The following RASGRP3 variants were observed in gnomAD, a reference collection of about 807,000 sequenced individuals.
RASGRP3 encodes ras guanyl-releasing protein 3.
Under a neutral mutation model 82.7 loss-of-function variants are expected in RASGRP3, and 54 were observed. The ratio of observed to expected loss-of-function variants is 0.65; its 90% CI spans 0.52 to 0.82. The LOEUF (loss-of-function observed/expected upper bound fraction) is 0.82. RASGRP3 is among the 40% of genes least tolerant of loss of function. The probability of loss-of-function intolerance (pLI) is 0.00; values close to 1 mark genes in which losing one functional copy is unlikely to be tolerated. For synonymous variants in RASGRP3, 309 were observed against 300.5 expected (o/e 1.03, Z -0.29); for missense variants, 861 against 828.9 (o/e 1.04, Z -0.48).
At chr2:33,460,410 C>T (rs1203859384) in intron 2 of RASGRP3, among the ~76,000 whole-genome samples, 1 of 151,954 alleles carries the variant, frequency 6.6e-6, no homozygotes, top group Non-Finnish European at 1.5e-5. Flanking sequence ...TGTGTTATCT[C>T]AGTGAAATGA....
chr2:33,480,319 A>G (rs1299147697), intron 1 of RASGRP3, among the ~76,000 whole-genome samples: 2 of 152,182 alleles, frequency 1.3e-5, no homozygotes, highest in African/African-American at 4.8e-5. Context: ...CTGGGATTAC[A>G]GGCGTGAGCC....
chr2:33,454,039 T>G (rs1425514551), intron 2 of RASGRP3, among the ~76,000 whole-genome samples: 1 of 152,208 alleles, frequency 6.6e-6, no homozygotes, highest in Non-Finnish European at 1.5e-5. Context: ...AGTCATCTTC[T>G]TCTTTTAAGT....
intron 1 of RASGRP3, among the ~76,000 whole-genome samples, chr2:33,502,033 T>A (rs560155909): frequency 3.4e-4 from 51 of 152,218 alleles, no homozygotes; most frequent in African/African-American, 1.2e-3. Context: ...ATTTGGGTGG[T>A]CTGAAGAGAG....
At chr2:33,458,112 A>T (rs181414304) in intron 2 of RASGRP3, 36 of 152,280 alleles carry the variant, frequency 2.4e-4, no homozygotes, top group African/African-American at 8.2e-4. Context: ...GAAAGAAAGG[A>T]TACAGACCAT....
At chr2:33,546,340 A>G (rs6728511) in intron 13 of RASGRP3, among the ~76,000 whole-genome samples, 124,794 of 150,918 alleles carry the variant, frequency 0.83, 51,998 homozygotes, top group African/African-American at 0.94. Context: ...GGAGAATGGC[A>G]TGAACCCGCG....
intron 13 of RASGRP3, among the ~76,000 whole-genome samples, chr2:33,545,662 G>A (rs986106227): frequency 4.6e-5 from 7 of 152,186 alleles, no homozygotes; most frequent in African/African-American, 1.4e-4. Flanking sequence ...CAAAGGACAT[G>A]AATAGACACT....
At chr2:33,472,205 A>T (rs1389837631), upstream of RASGRP3, among the ~76,000 whole-genome samples, 1 of 152,212 alleles carries the variant, frequency 6.6e-6, no homozygotes, top group Non-Finnish European at 1.5e-5. Flanking sequence ...ATTGCAGGAT[A>T]TAAAATAAGT....
upstream of RASGRP3, chr2:33,476,133 G>C (rs1255380774): frequency 2.0e-5 from 3 of 152,352 alleles, no homozygotes; most frequent in Admixed American, 6.5e-5. Context: ...GCCTTCCCCA[G>C]CACCAGCCAC....
intron 4 of RASGRP3, chr2:33,516,866 A>G (rs951070812): frequency 1.3e-5 from 5 of 396,188 alleles, no homozygotes; most frequent in Non-Finnish European, 2.2e-5. Context: ...AATAATCACT[A>G]AGATGTAAAA....
chr2:33,473,516 T>A (rs567878298), upstream of RASGRP3, among the ~76,000 whole-genome samples: 11 of 152,174 alleles, frequency 7.2e-5, no homozygotes, highest in Middle Eastern at 3.4e-3. Flanking sequence ...CCTAAGCAGG[T>A]GGGAGACACA....
Position 33,507,961 on chromosome 2 carries a change from C to A in RASGRP3, c.-260-3749C>A, listed in dbSNP as rs1246825624. On this transcript the variant is annotated intron_variant, in intron 1 of 17. Coordinates refer to ENST00000403687, the MANE Select transcript of RASGRP3 (RefSeq NM_001139488.2). ...GGCAAGAGATGATGGTTGTCTAAAC[C>A]AGCATGTGTCCATGGAGAAGGGAAA... Among the ~76,000 whole-genome samples the A allele has an allele frequency of 4.6e-5, 7 of 152,190 alleles. No individual in the cohort carries two copies. In the East Asian group the frequency reaches 1.3e-3, roughly 29 times the overall value.
chr2:33,493,340 C>T (rs974891442), intron 1 of RASGRP3, among the ~76,000 whole-genome samples: 1 of 152,122 alleles, frequency 6.6e-6, no homozygotes, highest in Admixed American at 6.6e-5. Context: ...GTGAGAGGTG[C>T]GGTATGCAGA....
chr2:33,512,620 T>C (rs1671036780), intron 2 of RASGRP3, among the ~76,000 whole-genome samples: 1 of 152,208 alleles, frequency 6.6e-6, no homozygotes, highest in East Asian at 1.9e-4. Context: ...TTAAAGCTGA[T>C]TTAGTAAACA....
chr2:33,455,957 T>C (rs1445721549), intron 2 of RASGRP3, among the ~76,000 whole-genome samples: 1 of 152,212 alleles, frequency 6.6e-6, no homozygotes, highest in Non-Finnish European at 1.5e-5. Flanking sequence ...GGATATCAGT[T>C]AGACAATTTC....
intron 1 of RASGRP3, among the ~76,000 whole-genome samples, chr2:33,495,846 C>G (rs978795699): frequency 6.6e-6 from 1 of 152,170 alleles, no homozygotes. Context: ...GTCACTTGGT[C>G]TCAACTTGGG....
chr2:33,492,904 G>C (rs899445270), intron 1 of RASGRP3: 2 of 152,230 alleles, frequency 1.3e-5, no homozygotes, highest in African/African-American at 4.8e-5. Flanking sequence ...GACATGTATG[G>C]GAGCCTTGGT....
At chr2:33,519,018 TAAAC>T (rs1671739762) in intron 4 of RASGRP3, among the ~76,000 whole-genome samples, 1 of 152,210 alleles carries the variant, frequency 6.6e-6, no homozygotes, top group African/African-American at 2.4e-5. Context: ...AGTAAATACA[TAAAC>T]CAATAACAGT....
rs564997618 is a variant in RASGRP3, at chr2:33,490,859, C to T, written c.-261+14152C>T. On this transcript the variant is annotated intron_variant, in intron 1 of 17. Transcript: ENST00000403687. ...CTCATCTGGCCTGTTTAGTTCACTGCCGGATACCCAGGCCCTGGCATAATG... is the reference window on the plus strand; with the variant it reads ...CTCATCTGGCCTGTTTAGTTCACTGTCGGATACCCAGGCCCTGGCATAATG... 5.9e-5 allele frequency among the ~76,000 whole-genome samples: 9 copies of T among 152,308 alleles called. No homozygotes were observed. The South Asian group carries it at 1.0e-3, about 18-fold the overall frequency.
intron 1 of RASGRP3, among the ~76,000 whole-genome samples, chr2:33,499,597 A>G (rs548021216): frequency 1.3e-5 from 2 of 152,114 alleles, no homozygotes; most frequent in South Asian, 2.1e-4. Flanking sequence ...TGGTATCTCA[A>G]TGCACAATGT....
Sources: gnomAD v4.1 joint callset for allele counts (sites outside exome capture counted in the v4.1 genomes callset) on GRCh38, gnomAD v4.1.1 for gene constraint, MANE v1.5 for transcripts, NCBI Gene and HGNC (gene_info 2026-07-23, HGNC 2026-07-21) for gene names.